The following VEPH1 variants were observed in gnomAD, a reference collection of about 807,000 sequenced individuals.
The protein encoded by VEPH1 is ventricular zone-expressed PH domain-containing protein homolog 1.
Under a neutral mutation model 85.2 loss-of-function variants are expected in VEPH1, and 80 were observed. The observed-to-expected ratio is 0.94, with a 90% confidence interval of 0.78 to 1.13. VEPH1 has a LOEUF of 1.13. VEPH1 is among the 50% of genes most tolerant of loss of function. The pLI is 0.00. For missense variants in VEPH1, 955 were observed against 980.5 expected, an observed-to-expected ratio of 0.97 and a Z score of 0.35; for synonymous variants, 297 against 348.0, an observed-to-expected ratio of 0.85 and a Z score of 1.63.
At chr3:157,469,990 T>A (rs1736767848) in intron 3 of VEPH1, among the ~76,000 whole-genome samples, 1 of 152,198 alleles carries the variant, frequency 6.6e-6, no homozygotes, top group South Asian at 2.1e-4. Flanking sequence ...AGAGATCTCC[T>A]CTTCTGAATT....
At chr3:157,426,070 C>A (rs187216874) in intron 5 of VEPH1, among the ~76,000 whole-genome samples, 67 of 152,252 alleles carry the variant, frequency 4.4e-4, no homozygotes, top group African/African-American at 1.4e-3. Flanking sequence ...TTTTGCCTCC[C>A]GCCATGATTC....
chr3:157,345,062 A>G (rs917389123), intron 9 of VEPH1, among the ~76,000 whole-genome samples: 1 of 152,212 alleles, frequency 6.6e-6, no homozygotes, highest in Non-Finnish European at 1.5e-5. Context: ...TAGACCTAAA[A>G]CCATAAAAAC....
chr3:157,300,992 C>T (rs1718723121), intron 11 of VEPH1, among the ~76,000 whole-genome samples: 2 of 152,222 alleles, frequency 1.3e-5, no homozygotes, highest in Admixed American at 6.5e-5. Flanking sequence ...GTGAACCTCT[C>T]CTCTTATGTT....
intron 2 of VEPH1, among the ~76,000 whole-genome samples, chr3:157,479,356 A>G (rs530919827): frequency 2.6e-4 from 40 of 152,332 alleles, no homozygotes; most frequent in African/African-American, 9.1e-4. Flanking sequence ...TGGGAGAAGT[A>G]GGACAACGAA....
At chr3:157,296,100 G>C (rs571880237) in intron 11 of VEPH1, among the ~76,000 whole-genome samples, 2 of 152,146 alleles carry the variant, frequency 1.3e-5, no homozygotes, top group Non-Finnish European at 2.9e-5. Flanking sequence ...CATTGCAAAA[G>C]ATATGTGCCA....
chr3:157,438,031 GCGCGCGCACACACA>G (rs1733791440), intron 4 of VEPH1: 2 of 820,158 alleles, frequency 2.4e-6, no homozygotes, highest in African/African-American at 2.1e-5. Context: ...GCGCGCGCGC[GCGCGCGCACACACA>G]CACACACACA....
chr3:157,368,694 T>C (rs751515749), intron 7 of VEPH1, among the ~76,000 whole-genome samples: 4 of 152,074 alleles, frequency 2.6e-5, no homozygotes, highest in African/African-American at 4.8e-5. Context: ...GGTTTCACCG[T>C]GTTAGCCAGG....
At chr3:157,367,397 T>C (rs1247169478) in intron 7 of VEPH1, among the ~76,000 whole-genome samples, 1 of 152,164 alleles carries the variant, frequency 6.6e-6, no homozygotes, top group Non-Finnish European at 1.5e-5. Flanking sequence ...TTACAAACCA[T>C]GATGATTGCC....
intron 7 of VEPH1, among the ~76,000 whole-genome samples, chr3:157,373,438 C>T (rs373436141): frequency 7.9e-5 from 12 of 152,104 alleles, no homozygotes; most frequent in African/African-American, 2.9e-4. Flanking sequence ...ATTTTGGCAC[C>T]CTCTTTTAAC....
At chr3:157,406,430 T>G (rs1386707253) in intron 6 of VEPH1, among the ~76,000 whole-genome samples, 1 of 152,156 alleles carries the variant, frequency 6.6e-6, no homozygotes, top group Non-Finnish European at 1.5e-5. Flanking sequence ...GCCTTTGTCA[T>G]TCTTTTCCTT....
chr3:157,379,579 C>T (rs1188253861), intron 7 of VEPH1, among the ~76,000 whole-genome samples: 1 of 152,142 alleles, frequency 6.6e-6, no homozygotes, highest in African/African-American at 2.4e-5. Context: ...CTCTTAGGAC[C>T]TCCAGGCTCT....
chr3:157,404,541 A>G (rs1211752910), intron 6 of VEPH1, among the ~76,000 whole-genome samples: 1 of 152,158 alleles, frequency 6.6e-6, no homozygotes, highest in African/African-American at 2.4e-5. Flanking sequence ...GGAAACCAAT[A>G]GGGGAACAGA....
chr3:157,265,625 T>C lies in VEPH1; in HGVS notation c.2166A>G (p.Lys722=), dbSNP rs7652298. The C allele has an allele frequency of 0.25, 399,484 of 1,613,062 alleles. 52,804 individuals are homozygous for C. The highest frequency in any genetic ancestry group is 0.46 in the Admixed American group (27,725 of 59,958). ...NQDGQPLIEG[K]LKEKQVRWKF... is the part of the protein sequence containing the mutation. The stretch of plus-strand genomic sequence containing the variant: ...TCCATCTGACTTGCTTCTCTTTAAG[T>C]TTTCCTTCTATGAGAGGCTGGCCAT... Residue 722 remains lysine, a synonymous_variant, in exon 13 of 14, where the codon AAA becomes AAG. Coordinates refer to ENST00000362010, the MANE Select transcript of VEPH1 (RefSeq NM_001167912.2).
At chr3:157,407,174 C>CA in intron 6 of VEPH1, among the ~76,000 whole-genome samples, 1 of 152,232 alleles carries the variant, frequency 6.6e-6, no homozygotes, top group Middle Eastern at 3.4e-3. Context: ...AAAGTGGAAA[C>CA]AAACATTCTA....
At chr3:157,328,465 G>T (rs1020271752) in intron 9 of VEPH1, among the ~76,000 whole-genome samples, 1 of 152,140 alleles carries the variant, frequency 6.6e-6, no homozygotes, top group Non-Finnish European at 1.5e-5. Context: ...TCACCTAATT[G>T]CTTATTTTAA....
At chr3:157,296,297 G>T (rs546937211) in intron 11 of VEPH1, among the ~76,000 whole-genome samples, 5 of 152,306 alleles carry the variant, frequency 3.3e-5, no homozygotes, top group African/African-American at 1.2e-4. Flanking sequence ...GTACTTTTCT[G>T]AATTTATGAG....
At chr3:157,485,248 G>A (rs1207451320) in intron 2 of VEPH1, among the ~76,000 whole-genome samples, 2 of 152,078 alleles carry the variant, frequency 1.3e-5, no homozygotes, top group African/African-American at 4.8e-5. Flanking sequence ...CTCAACATTG[G>A]TAGGAACAAC....
intron 2 of VEPH1, among the ~76,000 whole-genome samples, chr3:157,472,227 G>T (rs2109482795): frequency 6.6e-6 from 1 of 152,122 alleles, no homozygotes; most frequent in East Asian, 1.9e-4. Flanking sequence ...CTTTTTTCCA[G>T]ATTAAAAAGA....
intron 11 of VEPH1, among the ~76,000 whole-genome samples, chr3:157,290,035 AACACACACACAC>A (rs34035101): frequency 0.016 from 2,342 of 144,392 alleles, 19 homozygotes; most frequent in Middle Eastern, 0.034. Context: ...ATTATACACA[AACACACACACAC>A]ACACACACAC....
Sources: allele counts gnomAD v4.1 joint callset (sites outside exome capture counted in the v4.1 genomes callset), GRCh38; gene constraint gnomAD v4.1.1; transcripts MANE v1.5; gene names NCBI Gene and HGNC (gene_info 2026-07-23, HGNC 2026-07-21).